DPH6: variants seen among roughly 807,000 people sequenced by gnomAD.
DPH6 encodes diphthine--ammonia ligase.
In DPH6, 33 loss-of-function variants were observed where a neutral mutation model predicts 38.2. The ratio of observed to expected loss-of-function variants is 0.86; its 90% CI spans 0.65 to 1.15. The LOEUF is 1.15. Ranked by LOEUF, DPH6 falls within the 50% of genes most tolerant of loss-of-function variation. The probability of loss-of-function intolerance (pLI) is 0.00; values close to 1 mark genes in which losing one functional copy is unlikely to be tolerated. For synonymous variants in DPH6, 108 were observed against 103.0 expected (o/e 1.05, Z -0.30); for missense variants, 325 against 320.0 (o/e 1.02, Z -0.12).
the DPH6 span, among the ~76,000 whole-genome samples, chr15:35,158,834 C>G: frequency 6.6e-6 from 1 of 152,030 alleles, no homozygotes; most frequent in Non-Finnish European, 1.5e-5. Flanking sequence ...TTCTGACCAC[C>G]TCTGACTTTA....
chr15:35,168,001 CAT>C, the DPH6 span, among the ~76,000 whole-genome samples: 1 of 151,984 alleles, frequency 6.6e-6, no homozygotes, highest in African/African-American at 2.4e-5. Context: ...CTGGAGATTA[CAT>C]GAGAAGTAAG....
At chr15:35,179,120 G>A in the DPH6 span, among the ~76,000 whole-genome samples, 4 of 147,150 alleles carry the variant, frequency 2.7e-5, no homozygotes, top group East Asian at 2.1e-4. Context: ...GCAGGAGAAC[G>A]GTTTGAACCC....
chr15:35,358,647 GTC>G (rs2052588615), intron 3 of DPH6, among the ~76,000 whole-genome samples: 1 of 152,118 alleles, frequency 6.6e-6, no homozygotes, highest in Admixed American at 6.5e-5. Context: ...AGTGATTGTT[GTC>G]TCTCTTCTGG....
chr15:35,378,838 G>T lies in DPH6; in HGVS notation c.662+2984C>A, dbSNP rs1440426179. ...CAGGGCCTGTCAGGGGTGGGGGGCT[G>T]GGGGAAGCATAACATTAGGAGAAAT... On this transcript the variant is annotated intron_variant, in intron 7 of 8. Transcript: ENST00000256538. 2.0e-5 allele frequency among the ~76,000 whole-genome samples: 3 copies of T among 152,006 alleles called. No homozygotes were observed. The East Asian group carries it at 5.8e-4, about 29-fold the overall frequency.
intron 3 of DPH6, among the ~76,000 whole-genome samples, chr15:35,355,661 T>C (rs945312527): frequency 6.6e-6 from 1 of 152,254 alleles, no homozygotes; most frequent in Non-Finnish European, 1.5e-5. Context: ...CAGCTGTTAG[T>C]CTGATGCACT....
chr15:35,362,251 G>A (rs2052620396), intron 3 of DPH6, among the ~76,000 whole-genome samples: 2 of 152,084 alleles, frequency 1.3e-5, no homozygotes, highest in South Asian at 4.2e-4. Context: ...TCTGTCTGCA[G>A]TGCTACAGGT....
intron 3 of DPH6, among the ~76,000 whole-genome samples, chr15:35,469,849 T>C (rs769109452): frequency 1.3e-4 from 19 of 151,976 alleles, no homozygotes; most frequent in Non-Finnish European, 2.1e-4. Flanking sequence ...GGGTGAAGAA[T>C]GAAGCCCCGA....
In DPH6 at chr15:35,435,359, G is replaced by A. The variant is rs527894263; in HGVS notation, c.505+15326C>T. 3.6e-3 allele frequency among the ~76,000 whole-genome samples: 544 copies of A among 152,312 alleles called. 1 individual carries two copies. The highest frequency in any genetic ancestry group is 0.012 in the African/African-American group (514 of 41,568). On this transcript the variant is annotated intron_variant, in intron 5 of 8. Transcript: ENST00000256538. Reference sequence around the variant, plus strand: ...TTTGGACAATCAAATGTAGACAACTGTTCGAATGGCTTCAAAAAAGGCAAA... The same window carrying A: ...TTTGGACAATCAAATGTAGACAACTATTCGAATGGCTTCAAAAAAGGCAAA...
chr15:35,499,649 TG>T (rs2054601076), intron 3 of DPH6, among the ~76,000 whole-genome samples: 1 of 152,174 alleles, frequency 6.6e-6, no homozygotes, highest in African/African-American at 2.4e-5. Context: ...ACAGCATGCT[TG>T]TTATAACCAA....
chr15:35,400,280 G>C (rs2053199565), intron 6 of DPH6, among the ~76,000 whole-genome samples: 1 of 152,176 alleles, frequency 6.6e-6, no homozygotes, highest in African/African-American at 2.4e-5. Flanking sequence ...ACCTGACTTA[G>C]CTGTGTATTG....
rs67243158 is a variant in DPH6, at chr15:35,285,872, G to GTTTT, written n.201-65294_201-65291dup. Among the ~76,000 whole-genome samples, 32 of 52,814 alleles carry GTTTT rather than the reference G, an allele frequency of 6.1e-4. 8 individuals are homozygous for GTTTT. Among genetic ancestry groups the GTTTT allele is most frequent in the East Asian group, 1.8e-3 (3 of 1,692 alleles). The allele number at this position is 52,814 out of a possible 152,430, so 34.6% of individuals were successfully genotyped here. ...GACTCAATTATCATTTTATCTTTGA[G>GTTTT]TTTTTTTTTTTTTTTTTACCTGAGA... On this transcript the variant is annotated intron_variant and non_coding_transcript_variant, in intron 3 of 3. Coordinates refer to the DPH6 transcript ENST00000560386.
At chr15:35,526,322 A>C (rs2055001345) in intron 3 of DPH6, among the ~76,000 whole-genome samples, 1 of 152,208 alleles carries the variant, frequency 6.6e-6, no homozygotes, top group Non-Finnish European at 1.5e-5. Flanking sequence ...CACAAGAAAG[A>C]CAAATAAATG....
At chr15:35,342,653 T>G (rs1373866441) in intron 3 of DPH6, among the ~76,000 whole-genome samples, 2 of 152,224 alleles carry the variant, frequency 1.3e-5, no homozygotes, top group Non-Finnish European at 2.9e-5. Context: ...GGTTTTAAAC[T>G]GGATTTTCAT....
intron 6 of DPH6, among the ~76,000 whole-genome samples, chr15:35,409,482 C>G (rs1019097604): frequency 6.6e-6 from 1 of 151,966 alleles, no homozygotes; most frequent in Non-Finnish European, 1.5e-5. Flanking sequence ...TAATCAACAT[C>G]GTGGTGCTTC....
At chr15:35,180,390 AAAAC>A in the DPH6 span, among the ~76,000 whole-genome samples, 2 of 118,338 alleles carry the variant, frequency 1.7e-5, no homozygotes, top group African/African-American at 6.9e-5. Context: ...AGTTGGTTTT[AAAAC>A]ACACACACAC....
rs369503874 is a variant in DPH6, at chr15:35,424,503, G to C, written c.506-13607C>G. Among the ~76,000 whole-genome samples, 5 of 151,038 alleles carry C rather than the reference G, an allele frequency of 3.3e-5. No homozygotes were observed. The East Asian group carries it at 9.7e-4, about 29-fold the overall frequency. ...ATATGTATGATATTATCTGTAAGTA[G>C]AAATAATTTTGCTTTCTTCTTTCTA... On this transcript the variant is annotated intron_variant, in intron 5 of 8. Transcript: ENST00000256538.
At chr15:35,506,308 A>G (rs1165582309) in intron 3 of DPH6, among the ~76,000 whole-genome samples, 1 of 152,208 alleles carries the variant, frequency 6.6e-6, no homozygotes, top group African/African-American at 2.4e-5. Flanking sequence ...GCTTTCCTGC[A>G]TTAACAAGAG....
chr15:35,283,757 T>TACACACACACACACACAC (rs3028682), intron 3 of DPH6, among the ~76,000 whole-genome samples: 6 of 140,582 alleles, frequency 4.3e-5, no homozygotes, highest in African/African-American at 1.6e-4. Flanking sequence ...GCACAGATAG[T>TACACACACACACACACAC]ACACACACAC....
At chr15:35,429,631 T>C (rs1269568039) in intron 5 of DPH6, among the ~76,000 whole-genome samples, 1 of 152,160 alleles carries the variant, frequency 6.6e-6, no homozygotes, top group Admixed American at 6.5e-5. Flanking sequence ...TAAGTAATTA[T>C]GGGTTAATTA....
Sources: allele counts gnomAD v4.1 joint callset (sites outside exome capture counted in the v4.1 genomes callset), GRCh38; gene constraint gnomAD v4.1.1; transcripts MANE v1.5; gene names NCBI Gene and HGNC (gene_info 2026-07-23, HGNC 2026-07-21).